Variants in SLC25A21 observed in about 807,000 individuals in gnomAD.
SLC25A21 encodes the protein solute carrier family 25 member 21.
SLC25A21 carries 47 observed loss-of-function variants against 43.8 expected under a neutral mutation model. The observed-to-expected ratio is 1.07, with a 90% CI of 0.85 to 1.37. SLC25A21 has a LOEUF of 1.37. Among genes scored for constraint, SLC25A21 ranks in the 40% most tolerant of loss-of-function variants. The probability of loss-of-function intolerance (pLI) is 0.00; values close to 1 mark genes in which losing one functional copy is unlikely to be tolerated. For missense variants in SLC25A21, 352 were observed against 350.2 expected, an observed-to-expected ratio of 1.00 and a Z score of -0.04; for synonymous variants, 131 against 121.3, an observed-to-expected ratio of 1.08 and a Z score of -0.52.
At chr14:37,057,792 T>C (rs1331057898) in intron 1 of SLC25A21, among the ~76,000 whole-genome samples, 1 of 152,222 alleles carries the variant, frequency 6.6e-6, no homozygotes. Flanking sequence ...CCTCCTTTTG[T>C]CATTTTGAGA....
chr14:36,877,727 T>C (rs1890583661), intron 1 of SLC25A21, among the ~76,000 whole-genome samples: 1 of 117,270 alleles, frequency 8.5e-6, no homozygotes, highest in African/African-American at 2.9e-5. Flanking sequence ...GGAGGAAAGA[T>C]ATTGCACAGA....
intron 3 of SLC25A21, among the ~76,000 whole-genome samples, chr14:36,751,649 C>T (rs1172154976): frequency 6.6e-6 from 1 of 152,186 alleles, no homozygotes; most frequent in Non-Finnish European, 1.5e-5. Context: ...CAGGACCATT[C>T]ACTTATTTAT....
intron 1 of SLC25A21, among the ~76,000 whole-genome samples, chr14:36,972,171 G>A (rs1472738639): frequency 6.6e-6 from 1 of 152,168 alleles, no homozygotes; most frequent in Non-Finnish European, 1.5e-5. Context: ...GTACCATGCT[G>A]TACAGGTTTG....
chr14:37,163,243 T>C (rs1262343186), intron 1 of SLC25A21, among the ~76,000 whole-genome samples: 1 of 151,944 alleles, frequency 6.6e-6, no homozygotes, highest in East Asian at 1.9e-4. Context: ...TATACATATG[T>C]AACTAACCTG....
intron 2 of SLC25A21, among the ~76,000 whole-genome samples, chr14:36,871,206 G>T (rs1890363129): frequency 6.6e-6 from 1 of 151,994 alleles, no homozygotes; most frequent in Non-Finnish European, 1.5e-5. Context: ...CATGAGGGTA[G>T]AGCCCTCAGG....
intron 3 of SLC25A21, among the ~76,000 whole-genome samples, chr14:36,751,146 C>A (rs1166453092): frequency 6.6e-6 from 1 of 152,212 alleles, no homozygotes; most frequent in South Asian, 2.1e-4. Flanking sequence ...ATTAATATTT[C>A]ATTACACCTC....
At chr14:36,938,724 A>T (rs1892486554) in intron 1 of SLC25A21, among the ~76,000 whole-genome samples, 1 of 152,108 alleles carries the variant, frequency 6.6e-6, no homozygotes, top group Non-Finnish European at 1.5e-5. Flanking sequence ...TTGGTTCCTG[A>T]ACAATAACTT....
intron 1 of SLC25A21, among the ~76,000 whole-genome samples, chr14:37,105,838 T>C (rs1962901235): frequency 6.6e-6 from 1 of 152,088 alleles, no homozygotes; most frequent in Admixed American, 6.6e-5. Context: ...GCTTCCAAGA[T>C]GAGGTGAGCT....
intron 1 of SLC25A21, among the ~76,000 whole-genome samples, chr14:37,149,258 G>A (rs1400464562): frequency 6.6e-6 from 1 of 151,970 alleles, no homozygotes; most frequent in Non-Finnish European, 1.5e-5. Context: ...ATACACCAAT[G>A]CAGATGTCCA....
At chr14:36,763,725 T>A (rs1474092729) in intron 3 of SLC25A21, among the ~76,000 whole-genome samples, 1 of 151,812 alleles carries the variant, frequency 6.6e-6, no homozygotes, top group African/African-American at 2.4e-5. Flanking sequence ...ATCAAGTCCA[T>A]TATTAGAAAT....
chr14:36,930,595 C>G lies in SLC25A21; in HGVS notation c.71-55591G>C, dbSNP rs1207095687. On this transcript the variant is annotated intron_variant, in intron 1 of 9. Transcript: ENST00000331299. The stretch of plus-strand genomic sequence containing the variant: ...TTCTTTAGATCATCTAACCCCACCC[C>G]CAGCCCCTGCTGTATCATCTATAAC... Among the ~76,000 whole-genome samples, 3 of 152,242 alleles carry G rather than the reference C, an allele frequency of 2.0e-5. No individual in the cohort carries two copies. In the East Asian group the frequency reaches 5.8e-4, roughly 29 times the overall value.
chr14:36,855,708 C>T (rs1889876752), intron 2 of SLC25A21, among the ~76,000 whole-genome samples: 1 of 152,204 alleles, frequency 6.6e-6, no homozygotes, highest in Admixed American at 6.5e-5. Context: ...AATCACAGGT[C>T]TCCCCATGTG....
chr14:37,025,332 A>G (rs1961071197), intron 1 of SLC25A21, among the ~76,000 whole-genome samples: 1 of 152,178 alleles, frequency 6.6e-6, no homozygotes, highest in African/African-American at 2.4e-5. Context: ...ATGAGATAAC[A>G]TAAATGAAAG....
At chr14:37,026,638 G>A (rs1961098867) in intron 1 of SLC25A21, among the ~76,000 whole-genome samples, 1 of 152,224 alleles carries the variant, frequency 6.6e-6, no homozygotes, top group Middle Eastern at 3.4e-3. Flanking sequence ...AAACACTTAC[G>A]AATTAAACAT....
chr14:37,169,457 T>G (rs899713885), intron 1 of SLC25A21, among the ~76,000 whole-genome samples: 2 of 152,064 alleles, frequency 1.3e-5, no homozygotes, highest in Non-Finnish European at 2.9e-5. Flanking sequence ...GTTCCAGGAA[T>G]GCATCCCAGA....
chr14:37,030,418 T>C (rs948928157), intron 1 of SLC25A21, among the ~76,000 whole-genome samples: 3 of 152,136 alleles, frequency 2.0e-5, no homozygotes, highest in African/African-American at 7.2e-5. Context: ...TCTCAGTTAC[T>C]CATGATATTC....
chr14:37,113,198 T>A (rs757240227), intron 1 of SLC25A21, among the ~76,000 whole-genome samples: 2 of 152,206 alleles, frequency 1.3e-5, no homozygotes, highest in African/African-American at 2.4e-5. Context: ...ATTCTACCTA[T>A]GGCTGGCTAT....
At chr14:36,807,787 T>C (rs1437186570) in intron 3 of SLC25A21, among the ~76,000 whole-genome samples, 2 of 152,176 alleles carry the variant, frequency 1.3e-5, no homozygotes, top group Non-Finnish European at 1.5e-5. Context: ...ACTTCCTTTG[T>C]CTGTGTCACA....
intron 1 of SLC25A21, among the ~76,000 whole-genome samples, chr14:36,897,443 T>G (rs1443675891): frequency 6.6e-6 from 1 of 152,204 alleles, no homozygotes; most frequent in African/African-American, 2.4e-5. Flanking sequence ...TCGTCTAATT[T>G]TTTTTCAAGG....
Sources: allele counts gnomAD v4.1 joint callset (sites outside exome capture counted in the v4.1 genomes callset), GRCh38; gene constraint gnomAD v4.1.1; transcripts MANE v1.5; gene names NCBI Gene and HGNC (gene_info 2026-07-23, HGNC 2026-07-21).